DCLRE1B: variants seen among roughly 807,000 people sequenced by gnomAD.
DCLRE1B encodes the protein DNA cross-link repair 1B.
A neutral mutation model predicts 19.8 loss-of-function variants in DCLRE1B; 6 were observed. The ratio of observed to expected loss-of-function variants is 0.30; its 90% CI spans 0.17 to 0.60. The LOEUF is 0.60. Among genes scored for constraint, DCLRE1B ranks in the 20% least tolerant of loss-of-function variants. The pLI is 0.87. For missense variants in DCLRE1B, 622 were observed against 654.2 expected (o/e 0.95, Z 0.54); for synonymous variants, 258 against 255.7 (o/e 1.01, Z -0.09).
In DCLRE1B at chr1:113,911,132, A is replaced by G. The variant is rs748393483; in HGVS notation, c.540A>G (p.Gly180=). The change falls in exon 4 of 4, where the codon GGA becomes GGG. Residue 180 remains glycine (G), a splice_region_variant and synonymous_variant. Transcript: ENST00000650450. ...CCCAATACATTGAACATTATTTAGG[A>G]CTCTACAGCCTGGGAAAGGAATCAC... ...RKHPQHNIKI[G]LYSLGKESLL... is the part of the protein sequence containing the mutation. The G allele has an allele frequency of 9.9e-6, 16 of 1,612,160 alleles. No individual in the cohort carries two copies. The highest frequency in any genetic ancestry group is 1.4e-5 in the Non-Finnish European group (16 of 1,179,222).
In DCLRE1B at chr1:113,905,952, ATAGT is replaced by A. The variant is rs199637743; in HGVS notation, c.189+181_189+184del. 5.5e-4 allele frequency among the ~76,000 whole-genome samples: 83 copies of A among 151,628 alleles called. 1 individual carries two copies. In the East Asian group the frequency reaches 0.011, roughly 21 times the overall value. ...GTGTTTTCGAAGTGACCAACTTGAG[ATAGT>A]TAGCCATAAGTTGAGGAGATATTTT... On this transcript the variant is annotated intron_variant, in intron 1 of 3. Coordinates refer to ENST00000650450, the MANE Select transcript of DCLRE1B (RefSeq NM_022836.4).
In DCLRE1B at chr1:113,908,055, A is replaced by G; in HGVS notation, c.402A>G (p.Thr134=). ...TPSMLKEPAL[T]LGKQIHTLYL... is the part of the protein sequence containing the mutation. ...CCATGCTAAAGGAGCCAGCCCTGACACTGGGGAAACAGATCCATACTTTAT... is the reference window on the plus strand; with the variant it reads ...CCATGCTAAAGGAGCCAGCCCTGACGCTGGGGAAACAGATCCATACTTTAT... Residue 134 remains threonine, a synonymous_variant, in exon 3 of 4, where the codon ACA becomes ACG. Transcript: ENST00000650450. 6.2e-7 allele frequency: 1 copy of G among 1,614,166 alleles called. No individual in the cohort carries two copies. Among genetic ancestry groups the G allele is most frequent in the Non-Finnish European group, 8.5e-7 (1 of 1,180,024 alleles).
chr1:113,909,589 A>C (rs933666724), intron 3 of DCLRE1B, among the ~76,000 whole-genome samples: 2 of 152,132 alleles, frequency 1.3e-5, no homozygotes, highest in Non-Finnish European at 2.9e-5. Context: ...AATATCCTCT[A>C]CTCTCAGGAT....
chr1:113,912,112 C>T lies in DCLRE1B; in HGVS notation c.1520C>T (p.Thr507Ile). ...GGTCTAGCACTCAAATATCTTCTGA[C>T]TCCAGTGAACTTTTTCCAGGCAGGG... ...FRGLALKYLLTPVNFFQAGYS... is the reference protein window; with the variant it reads ...FRGLALKYLLIPVNFFQAGYS... Residue 507 changes from threonine to isoleucine, a missense_variant, in exon 4 of 4, where the codon ACT becomes ATT. Transcript: ENST00000650450. The T allele has an allele frequency of 6.2e-7, 1 of 1,614,208 alleles. No individual in the cohort carries two copies. Among genetic ancestry groups the T allele is most frequent in the Non-Finnish European group, 8.5e-7 (1 of 1,180,038 alleles).
In DCLRE1B at chr1:113,907,219, T is replaced by TG. The variant is rs1348532220; in HGVS notation, c.355+58_355+59insG. 3.5e-5 allele frequency: 44 copies of TG among 1,251,122 alleles called. No homozygotes were observed. The African/African-American group carries it at 3.8e-4, about 11-fold the overall frequency. 77.5% of individuals were successfully genotyped at this position (1,251,122 alleles called of 1,614,324 possible). Reference sequence around the variant, plus strand: ...CAGACTAGATGTTTTTTTTTTTTTTTTTTTTTTTTTTTTTTAATGTATAGA... The same window carrying TG: ...CAGACTAGATGTTTTTTTTTTTTTTTGTTTTTTTTTTTTTTTAATGTATAGA... On this transcript the variant is annotated intron_variant, in intron 2 of 3. Coordinates refer to ENST00000650450, the MANE Select transcript of DCLRE1B (RefSeq NM_022836.4).
chr1:113,905,411 G>A lies in DCLRE1B; in HGVS notation c.-176G>A, dbSNP rs1668856694. 3 of 662,874 alleles carry A rather than the reference G, an allele frequency of 4.5e-6. No individual in the cohort carries two copies. The highest frequency in any genetic ancestry group is 7.5e-6 in the Non-Finnish European group (3 of 401,196). 41.1% of individuals were successfully genotyped at this position (662,874 alleles called of 1,614,324 possible). ...CGATTTGGGCTCCAGCGGGCAGGGT[G>A]ACTTCCTTTTTCTGCCCACTCTGGT... On this transcript the variant is annotated 5_prime_UTR_variant, in exon 1 of 4. Coordinates refer to ENST00000650450, the MANE Select transcript of DCLRE1B (RefSeq NM_022836.4).
Position 113,912,901 on chromosome 1 carries a change from C to G in DCLRE1B, c.*710C>G, listed in dbSNP as rs1288615188. The G allele has an allele frequency of 1.3e-5, 2 of 152,514 alleles. No individual in the cohort carries two copies. The highest frequency in any genetic ancestry group is 2.9e-5 in the Non-Finnish European group (2 of 68,048). 9.4% of individuals were successfully genotyped at this position (152,514 alleles called of 1,614,324 possible). A position where few individuals can be genotyped will look rare whatever the true frequency, so the allele number is the denominator to read the frequency against. On this transcript the variant is annotated 3_prime_UTR_variant, in exon 4 of 4. Coordinates refer to ENST00000650450, the MANE Select transcript of DCLRE1B (RefSeq NM_022836.4). ...GAGCCAGCTGGGGGGTTGGGCAGCT[C>G]TCTCCAAGGCAGTACCTAGAGCCCA... is the stretch of plus-strand genomic sequence containing the variant.
At chr1:113,907,630 C>T (rs1278170897) in intron 2 of DCLRE1B, among the ~76,000 whole-genome samples, 1 of 152,008 alleles carries the variant, frequency 6.6e-6, no homozygotes, top group Non-Finnish European at 1.5e-5. Context: ...CCACCACGCC[C>T]AGCTAATTTT....
chr1:113,907,859 T>C (rs1669096869), intron 2 of DCLRE1B, 150 bp from the exon 3 acceptor site: 7 of 771,794 alleles, frequency 9.1e-6, no homozygotes, highest in Non-Finnish European at 1.4e-5. Flanking sequence ...AAAGAAACCA[T>C]GCAGCTATAC....
At chr1:113,904,913 AG>A (rs1668789225), upstream of DCLRE1B, 1 of 596,394 alleles carries the variant, frequency 1.7e-6, no homozygotes, top group African/African-American at 1.9e-5. Context: ...CGACACCGCG[AG>A]CCCCACCCTA....
chr1:113,905,298 T>C (rs940593217), upstream of DCLRE1B: 5 of 434,290 alleles, frequency 1.2e-5, no homozygotes, highest in African/African-American at 1.0e-4. Context: ...AATCGGCTAC[T>C]TTGGCCTGTC....
At chr1:113,907,218 T>TTTTTTTG (rs1669064414) in intron 2 of DCLRE1B, 57 bp downstream of exon 2, 1 of 1,228,594 alleles carries the variant, frequency 8.1e-7, no homozygotes, top group Non-Finnish European at 1.1e-6. Flanking sequence ...TTTTTTTTTT[T>TTTTTTTG]TTTTTTTTTT....
At chr1:113,905,799 G>A (rs748030037) in intron 1 of DCLRE1B, 24 bp downstream of exon 1, 2 of 1,594,804 alleles carry the variant, frequency 1.3e-6, no homozygotes, top group East Asian at 2.3e-5. Context: ...GTCGGTCTCC[G>A]AGAGCTGGTC....
In DCLRE1B at chr1:113,912,167, G is replaced by A. The variant is rs1558110915; in HGVS notation, c.1575G>A (p.Val525=). The change falls in exon 4 of 4, where the codon GTG becomes GTA. Residue 525 remains valine, a synonymous_variant. Transcript: ENST00000650450. Reference sequence around the variant, plus strand: ...CTTCCAGGAGATTTGACCAGCAAGTGGAAAAATACCATAAACCCTGCTGAA... The same window carrying A: ...CTTCCAGGAGATTTGACCAGCAAGTAGAAAAATACCATAAACCCTGCTGAA... ...GYSSRRFDQQ[V]EKYHKPC The A allele has an allele frequency of 6.2e-7, 1 of 1,613,286 alleles. No homozygotes were observed. The highest frequency in any genetic ancestry group is 2.2e-5 in the East Asian group (1 of 44,882).
Position 113,911,557 on chromosome 1 carries a change from C to T in DCLRE1B, c.965C>T (p.Ser322Phe), listed in dbSNP as rs200793624. 6.2e-7 allele frequency: 1 copy of T among 1,610,832 alleles called. No individual in the cohort carries two copies. Among genetic ancestry groups the T allele is most frequent in the Non-Finnish European group, 8.5e-7 (1 of 1,178,238 alleles). Reference protein sequence around the residue: ...PRISVPLIPDSVQQYMSSSSR... With the variant: ...PRISVPLIPDFVQQYMSSSSR... ...ATCTCCGTGCCCCTGATTCCGGACT[C>T]TGTACAGCAATACATGAGTTCTTCC... is the stretch of plus-strand genomic sequence containing the variant. The change falls in exon 4 of 4, where the codon TCT (serine) becomes TTT (phenylalanine). Residue 322 changes from serine (S) to phenylalanine (F), a missense_variant. Ser to Phe is a radical substitution (Grantham distance 155, BLOSUM62 -2). Coordinates refer to ENST00000650450, the MANE Select transcript of DCLRE1B (RefSeq NM_022836.4).
At chr1:113,904,669 G>C, upstream of DCLRE1B, 1 of 1,613,148 alleles carries the variant, frequency 6.2e-7, no homozygotes. Context: ...GGATTGCACA[G>C]AGCCTTCTTC....
chr1:113,913,362 TAA>T lies in DCLRE1B; in HGVS notation c.*1174_*1175del, dbSNP rs1389593801. 2 of 152,770 alleles carry T rather than the reference TAA, an allele frequency of 1.3e-5. No individual in the cohort carries two copies. The highest frequency in any genetic ancestry group is 6.6e-5 in the Admixed American group (1 of 15,264). The allele number at this position is 152,770 out of a possible 1,614,324, so 9.5% of individuals were successfully genotyped here. ...GATTCCATTTCTTGTCCAGGGGATTTAAAAGAGTTTTCTGCTTTGAGAGAGAA... is the reference window on the plus strand; with the variant it reads ...GATTCCATTTCTTGTCCAGGGGATTTAAGAGTTTTCTGCTTTGAGAGAGAA... On this transcript the variant is annotated 3_prime_UTR_variant, in exon 4 of 4. Transcript: ENST00000650450.
At position 113,907,018 on chromosome 1, in the gene DCLRE1B, C is replaced by T. The variant is rs746961175; in HGVS notation, c.212C>T (p.Ala71Val). The T allele has an allele frequency of 6.2e-7, 1 of 1,613,840 alleles. No individual in the cohort carries two copies. Among genetic ancestry groups the T allele is most frequent in the Non-Finnish European group, 8.5e-7 (1 of 1,179,944 alleles). ...HLQVSKQWIQALEVGESHVLP... is the reference protein window; with the variant it reads ...HLQVSKQWIQVLEVGESHVLP... ...CAGGTATCTAAGCAATGGATCCAAG[C>T]CCTGGAGGTTGGTGAGAGCCATGTA... Residue 71 changes from alanine to valine, a missense_variant, in exon 2 of 4, where the codon GCC (alanine) becomes GTC (valine). Physicochemically the swap from Ala to Val is moderately conservative, Grantham distance 64. This residue lies in a region of DCLRE1B where 237 missense variants were observed against 223.8 expected (regional missense o/e 1.06). Transcript: ENST00000650450.
chr1:113,905,393 G>C lies in DCLRE1B; in HGVS notation c.-194G>C, dbSNP rs1427893845. On this transcript the variant is annotated 5_prime_UTR_variant, in exon 1 of 4. Transcript: ENST00000650450. ...AGTGTCCAGCGCCCTCCGCGATTTG[G>C]GCTCCAGCGGGCAGGGTGACTTCCT... is the stretch of plus-strand genomic sequence containing the variant. 1 of 613,576 alleles carries C rather than the reference G, an allele frequency of 1.6e-6. No individual in the cohort carries two copies. Among genetic ancestry groups the C allele is most frequent in the Non-Finnish European group, 2.7e-6 (1 of 363,864 alleles). The allele number at this position is 613,576 out of a possible 1,614,324, so 38.0% of individuals were successfully genotyped here. A position where few individuals can be genotyped will look rare whatever the true frequency, so the allele number is the denominator to read the frequency against.
Sources: allele counts gnomAD v4.1 joint callset (sites outside exome capture counted in the v4.1 genomes callset), GRCh38; gene constraint gnomAD v4.1.1; regional missense constraint gnomAD v4.1.1; transcripts MANE v1.5; gene names NCBI Gene and HGNC (gene_info 2026-07-23, HGNC 2026-07-21).